The following OXR1 variants were observed in gnomAD, a reference collection of about 807,000 sequenced individuals.
OXR1 encodes the protein oxidation resistance 1.
OXR1 carries 41 observed loss-of-function variants against 104.6 expected under a neutral mutation model. The observed-to-expected ratio is 0.39, with a 90% confidence interval of 0.31 to 0.51. The LOEUF is 0.51. OXR1 is among the 20% of genes least tolerant of loss of function. The pLI is 0.77. For synonymous variants in OXR1, 348 were observed against 348.4 expected (o/e 1.00, Z 0.01); for missense variants, 955 against 1,031.9 (o/e 0.93, Z 1.02).
At chr8:106,689,074 A>C (rs981098718) in intron 6 of OXR1, among the ~76,000 whole-genome samples, 1 of 152,134 alleles carries the variant, frequency 6.6e-6, no homozygotes, top group African/African-American at 2.4e-5. Flanking sequence ...TTATCATAAC[A>C]AAGGGTGACA....
chr8:106,713,382 A>G (rs1239943253), intron 10 of OXR1, among the ~76,000 whole-genome samples: 1 of 151,952 alleles, frequency 6.6e-6, no homozygotes, highest in African/African-American at 2.4e-5. Context: ...AGTATCATTT[A>G]AAATTTAAGG....
intron 1 of OXR1, among the ~76,000 whole-genome samples, chr8:106,347,337 A>G (rs1815538032): frequency 6.6e-6 from 1 of 152,196 alleles, no homozygotes; most frequent in Non-Finnish European, 1.5e-5. Context: ...AACAAATAAT[A>G]CTGCCTGTGC....
intron 2 of OXR1, among the ~76,000 whole-genome samples, chr8:106,430,872 G>A (rs1819334295): frequency 6.6e-6 from 1 of 152,170 alleles, no homozygotes; most frequent in Non-Finnish European, 1.5e-5. Flanking sequence ...ATTTGCTGTA[G>A]TAAAGTAAAT....
intron 3 of OXR1, among the ~76,000 whole-genome samples, chr8:106,651,264 G>T (rs577652654): frequency 6.6e-6 from 1 of 152,250 alleles, no homozygotes; most frequent in Admixed American, 6.5e-5. Flanking sequence ...GCAGATATTT[G>T]CATTCCTCTT....
At chr8:106,702,236 A>G (rs1016795783) in intron 7 of OXR1, among the ~76,000 whole-genome samples, 18 of 152,348 alleles carry the variant, frequency 1.2e-4, no homozygotes, top group Non-Finnish European at 2.4e-4. Flanking sequence ...CTGGGATTAC[A>G]GGCGTAAGCC....
chr8:106,587,700 A>G (rs777306285), intron 3 of OXR1, among the ~76,000 whole-genome samples: 1 of 152,084 alleles, frequency 6.6e-6, no homozygotes, highest in African/African-American at 2.4e-5. Context: ...ACTATGTAGC[A>G]TGGTTTTTCC....
intron 3 of OXR1, among the ~76,000 whole-genome samples, chr8:106,673,743 C>T (rs1243668773): frequency 2.0e-5 from 3 of 152,136 alleles, no homozygotes; most frequent in Admixed American, 2.0e-4. Context: ...TGTGCAGTTT[C>T]AGGACACAGT....
chr8:106,715,973 T>C (rs1243977942), intron 11 of OXR1, among the ~76,000 whole-genome samples: 1 of 152,222 alleles, frequency 6.6e-6, no homozygotes, highest in African/African-American at 2.4e-5. Flanking sequence ...ATAGCAGCAC[T>C]AGCCATATGT....
intron 2 of OXR1, among the ~76,000 whole-genome samples, chr8:106,395,150 T>C (rs1357817028): frequency 6.6e-6 from 1 of 152,152 alleles, no homozygotes; most frequent in Non-Finnish European, 1.5e-5. Context: ...GATGTATGTG[T>C]ATGTTTTAGA....
In OXR1 at chr8:106,581,054, A is replaced by T. The variant is rs541462853; in HGVS notation, c.220+61915A>T. On this transcript the variant is annotated intron_variant, in intron 3 of 16. Coordinates refer to ENST00000517566, the MANE Select transcript of OXR1 (RefSeq NM_001198533.2). ...GAGGAAGACAAGTGGGAAGGTGTAG[A>T]CTTCTCACTTCAATAGTCTGCTAAA... The T allele has an allele frequency of 3.7e-4, 432 of 1,160,322 alleles. 2 individuals carry two copies. The highest frequency in any genetic ancestry group is 1.7e-3 in the South Asian group (94 of 55,624). The allele number at this position is 1,160,322 out of a possible 1,614,324, so 71.9% of individuals were successfully genotyped here. A position where few individuals can be genotyped will look rare whatever the true frequency, so the allele number is the denominator to read the frequency against.
chr8:106,703,384 C>T (rs945055009), intron 8 of OXR1, among the ~76,000 whole-genome samples: 1 of 152,126 alleles, frequency 6.6e-6, no homozygotes, highest in African/African-American at 2.4e-5. Flanking sequence ...ACACAGCTTC[C>T]AGTCTTCTAA....
chr8:106,694,808 ATT>A (rs1829760229), intron 7 of OXR1, among the ~76,000 whole-genome samples: 1 of 125,186 alleles, frequency 8.0e-6, no homozygotes, highest in African/African-American at 3.1e-5. Context: ...ATACATATAT[ATT>A]TAATAGATAA....
At chr8:106,661,428 A>C (rs187263285) in intron 3 of OXR1, among the ~76,000 whole-genome samples, 1 of 152,328 alleles carries the variant, frequency 6.6e-6, no homozygotes, top group Admixed American at 6.5e-5. Flanking sequence ...AACAATTACA[A>C]AGGAAACATC....
At chr8:106,341,346 ATACT>A (rs1340911610) in intron 1 of OXR1, among the ~76,000 whole-genome samples, 15 of 151,454 alleles carry the variant, frequency 9.9e-5, no homozygotes, top group African/African-American at 2.7e-4. Flanking sequence ...CTTTTTAGAA[ATACT>A]TACATATTGA....
At chr8:106,555,304 T>C (rs1315045069) in intron 3 of OXR1, among the ~76,000 whole-genome samples, 1 of 152,198 alleles carries the variant, frequency 6.6e-6, no homozygotes, top group African/African-American at 2.4e-5. Context: ...AAGTATATTG[T>C]GGAATGGTCC....
chr8:106,312,451 C>T (rs1813746998), intron 1 of OXR1, among the ~76,000 whole-genome samples: 1 of 152,304 alleles, frequency 6.6e-6, no homozygotes, highest in South Asian at 2.1e-4. Flanking sequence ...CCTCAGATGT[C>T]ACATTTCTTC....
At chr8:106,418,748 A>C (rs1818785357) in intron 2 of OXR1, among the ~76,000 whole-genome samples, 1 of 152,122 alleles carries the variant, frequency 6.6e-6, no homozygotes, top group African/African-American at 2.4e-5. Flanking sequence ...GTTCAGCGCC[A>C]CTTTGAACCT....
At chr8:106,510,327 T>A (rs2130028835) in intron 2 of OXR1, among the ~76,000 whole-genome samples, 1 of 152,308 alleles carries the variant, frequency 6.6e-6, no homozygotes, top group African/African-American at 2.4e-5. Flanking sequence ...ATGAACAGAC[T>A]AGAATTTCCA....
chr8:106,501,046 C>A (rs1811775367), intron 2 of OXR1, among the ~76,000 whole-genome samples: 1 of 152,242 alleles, frequency 6.6e-6, no homozygotes, highest in East Asian at 1.9e-4. Context: ...GAGTTGAGAC[C>A]AGCATGACAA....
Sources: allele counts gnomAD v4.1 joint callset (sites outside exome capture counted in the v4.1 genomes callset), GRCh38; gene constraint gnomAD v4.1.1; transcripts MANE v1.5; gene names NCBI Gene and HGNC (gene_info 2026-07-23, HGNC 2026-07-21).